Variants in HS3ST5 observed in about 807,000 individuals in gnomAD.
HS3ST5 encodes the protein heparan sulfate-glucosamine 3-sulfotransferase 5.
Under a neutral mutation model 25.4 loss-of-function variants are expected in HS3ST5, and 10 were observed. That is an observed-to-expected ratio of 0.39 (90% CI 0.24 to 0.67). HS3ST5 has a LOEUF of 0.67. HS3ST5 is among the 30% of genes least tolerant of loss of function. The probability of loss-of-function intolerance (pLI) is 0.44; values close to 1 mark genes in which losing one functional copy is unlikely to be tolerated. For synonymous variants in HS3ST5, 170 were observed against 162.4 expected, an observed-to-expected ratio of 1.05 and a Z score of -0.36; for missense variants, 324 against 420.7, an observed-to-expected ratio of 0.77 and a Z score of 2.01.
intron 3 of HS3ST5, among the ~76,000 whole-genome samples, chr6:114,081,147 A>T (rs1477476937): frequency 1.3e-5 from 2 of 152,190 alleles, no homozygotes; most frequent in African/African-American, 2.4e-5. Flanking sequence ...CTGCTGTCTT[A>T]TGTGGGTGTA....
At chr6:114,232,806 A>G (rs527925440) in intron 1 of HS3ST5, among the ~76,000 whole-genome samples, 3 of 152,100 alleles carry the variant, frequency 2.0e-5, no homozygotes, top group East Asian at 3.9e-4. Flanking sequence ...TTCTCTGTGT[A>G]TCCTCCTCTT....
At chr6:114,246,793 G>A (rs1341420725) in intron 1 of HS3ST5, among the ~76,000 whole-genome samples, 1 of 152,156 alleles carries the variant, frequency 6.6e-6, no homozygotes, top group Non-Finnish European at 1.5e-5. Context: ...AAGAATATGG[G>A]TTTCGTTCTG....
chr6:114,206,505 G>A (rs1781282231), intron 2 of HS3ST5, among the ~76,000 whole-genome samples: 1 of 152,010 alleles, frequency 6.6e-6, no homozygotes, highest in Admixed American at 6.6e-5. Context: ...TCAGTTTTGG[G>A]ATGCAGAAAC....
chr6:114,064,943 A>G (rs972472565), intron 3 of HS3ST5, among the ~76,000 whole-genome samples: 2 of 152,156 alleles, frequency 1.3e-5, no homozygotes, highest in Non-Finnish European at 2.9e-5. Flanking sequence ...TAAGAAGTGA[A>G]GGCAGGCAGG....
chr6:114,120,842 CT>C (rs1262895674), intron 3 of HS3ST5, among the ~76,000 whole-genome samples: 1 of 152,088 alleles, frequency 6.6e-6, no homozygotes, highest in Non-Finnish European at 1.5e-5. Context: ...GGATTTTGTT[CT>C]TTTTCTTTAG....
intron 3 of HS3ST5, among the ~76,000 whole-genome samples, chr6:114,078,597 G>A (rs1022433271): frequency 6.6e-6 from 1 of 152,164 alleles, no homozygotes; most frequent in Non-Finnish European, 1.5e-5. Flanking sequence ...AAAAATATAA[G>A]AGACACAAGA....
At chr6:114,292,169 C>T (rs1774607827) in intron 1 of HS3ST5, among the ~76,000 whole-genome samples, 2 of 152,110 alleles carry the variant, frequency 1.3e-5, no homozygotes, top group African/African-American at 2.4e-5. Context: ...CCTTTGTAGA[C>T]AATAGTATTT....
chr6:114,171,874 G>A (rs1283999712), intron 2 of HS3ST5, among the ~76,000 whole-genome samples: 1 of 152,082 alleles, frequency 6.6e-6, no homozygotes, highest in Non-Finnish European at 1.5e-5. Flanking sequence ...AAAGGTAAAG[G>A]TAACACATTT....
intron 3 of HS3ST5, among the ~76,000 whole-genome samples, chr6:114,147,155 C>G (rs946435925): frequency 6.6e-6 from 1 of 152,210 alleles, no homozygotes; most frequent in Non-Finnish European, 1.5e-5. Flanking sequence ...CACAAAAGAG[C>G]TATCTCAGCT....
intron 3 of HS3ST5, among the ~76,000 whole-genome samples, chr6:114,099,732 C>T (rs1324544415): frequency 6.6e-6 from 1 of 152,118 alleles, no homozygotes; most frequent in African/African-American, 2.4e-5. Context: ...GATGACCCCT[C>T]TCCTCTTCCA....
intron 3 of HS3ST5, among the ~76,000 whole-genome samples, chr6:114,066,662 C>A (rs1262154089): frequency 6.6e-6 from 1 of 151,954 alleles, no homozygotes; most frequent in Non-Finnish European, 1.5e-5. Context: ...AAAAAAACAA[C>A]AAAAAAATTA....
intron 3 of HS3ST5, among the ~76,000 whole-genome samples, chr6:114,154,225 T>C (rs1778592045): frequency 6.6e-6 from 1 of 152,138 alleles, no homozygotes; most frequent in Non-Finnish European, 1.5e-5. Context: ...ACTAGAGAAG[T>C]CTGTGATCAA....
intron 3 of HS3ST5, among the ~76,000 whole-genome samples, chr6:114,082,926 A>C (rs1774541076): frequency 6.6e-6 from 1 of 152,190 alleles, no homozygotes; most frequent in African/African-American, 2.4e-5. Context: ...CAGGGGCCAC[A>C]TGTGTCAGGG....
chr6:114,153,618 C>T (rs1778563108), intron 3 of HS3ST5, among the ~76,000 whole-genome samples: 1 of 152,170 alleles, frequency 6.6e-6, no homozygotes, highest in African/African-American at 2.4e-5. Context: ...CTCTTCTGTG[C>T]TCAGTGAGGT....
At chr6:114,237,034 A>G (rs1009554087) in intron 1 of HS3ST5, among the ~76,000 whole-genome samples, 1 of 152,250 alleles carries the variant, frequency 6.6e-6, no homozygotes, top group African/African-American at 2.4e-5. Flanking sequence ...ATGAGTCTAC[A>G]TATGCTAAAA....
At chr6:114,286,049 A>C (rs1774325577) in intron 1 of HS3ST5, among the ~76,000 whole-genome samples, 1 of 151,934 alleles carries the variant, frequency 6.6e-6, no homozygotes, top group African/African-American at 2.4e-5. Context: ...TAATGCCATA[A>C]TCTCTAGAGG....
chr6:114,280,460 A>G (rs1217696667), intron 1 of HS3ST5, among the ~76,000 whole-genome samples: 1 of 152,016 alleles, frequency 6.6e-6, no homozygotes, highest in Non-Finnish European at 1.5e-5. Flanking sequence ...TCCAACAGGC[A>G]GAGGGACACA....
rs569145025 is a variant in HS3ST5 at position 114,341,171 on chromosome 6, G to GGAGGGAGAGGGA, written c.-339+1012_-339+1023dup. 2.5e-3 allele frequency among the ~76,000 whole-genome samples: 206 copies of GGAGGGAGAGGGA among 82,676 alleles called. 1 individual carries two copies. Among genetic ancestry groups the GGAGGGAGAGGGA allele is most frequent in the African/African-American group, 0.011 (190 of 17,574 alleles). The allele number at this position is 82,676 out of a possible 152,430, so 54.2% of individuals were successfully genotyped here. The stretch of plus-strand genomic sequence containing the variant: ...GGAGAGGGGGAGAGAGGGGAGGGAG[G>GGAGGGAGAGGGA]GAGGGAGAGGGAGAGGGAGAGGGAG... On this transcript the variant is annotated intron_variant, in intron 1 of 4. Coordinates refer to ENST00000312719, the MANE Select transcript of HS3ST5 (RefSeq NM_153612.4).
intron 1 of HS3ST5, among the ~76,000 whole-genome samples, chr6:114,283,938 G>T (rs1236576487): frequency 1.3e-5 from 2 of 151,896 alleles, no homozygotes; most frequent in African/African-American, 4.8e-5. Context: ...TATATCTGAG[G>T]CAGGAAAAAC....
Sources: gnomAD v4.1 joint callset for allele counts (sites outside exome capture counted in the v4.1 genomes callset) on GRCh38, gnomAD v4.1.1 for gene constraint, MANE v1.5 for transcripts, NCBI Gene and HGNC (gene_info 2026-07-23, HGNC 2026-07-21) for gene names.